The following FMO2 variants were observed in gnomAD, a reference collection of about 807,000 sequenced individuals.
FMO2 encodes the protein flavin containing dimethylaniline monoxygenase 2, also known as flavin-containing monooxygenase 2.
In FMO2, 33 loss-of-function variants were observed where a neutral mutation model predicts 41.6. The observed-to-expected ratio is 0.79, with a 90% confidence interval of 0.60 to 1.06. FMO2 has a LOEUF of 1.06. FMO2 is among the 50% of genes least tolerant of loss of function. The probability of loss-of-function intolerance (pLI) is 0.00; values close to 1 mark genes in which losing one functional copy is unlikely to be tolerated. For missense variants in FMO2, 619 were observed against 632.9 expected (o/e 0.98, Z 0.23); for synonymous variants, 214 against 219.6 (o/e 0.97, Z 0.23).
Position 171,196,650 on chromosome 1 carries a change from C to T in FMO2, c.323C>T (p.Thr108Ile). ...ATGCCTTCTCTGTGTTTCTTCAAGA[C>T]AACTGTCCTTAGTGTGAGAAAATGT... Reference protein sequence around the residue: ...FDLLKYIQFQTTVLSVRKCPD... With the variant: ...FDLLKYIQFQITVLSVRKCPD... Residue 108 changes from threonine (T) to isoleucine (I), a missense_variant and splice_region_variant, in exon 4 of 9, where the codon ACA becomes ATA. Transcript: ENST00000209929. 2 of 1,609,602 alleles carry T rather than the reference C, an allele frequency of 1.2e-6. No individual in the cohort carries two copies. Among genetic ancestry groups the T allele is most frequent in the Non-Finnish European group, 8.5e-7 (1 of 1,179,418 alleles).
intron 7 of FMO2, chr1:171,207,446 C>T: frequency 3.0e-6 from 1 of 333,120 alleles, no homozygotes; most frequent in Non-Finnish European, 5.4e-6. Context: ...GCCCAAACCA[C>T]TAGTCATGGC....
intron 3 of FMO2, among the ~76,000 whole-genome samples, 194 bp downstream of exon 3, chr1:171,193,717 G>A (rs1284120403): frequency 6.6e-6 from 1 of 151,646 alleles, no homozygotes; most frequent in Non-Finnish European, 1.5e-5. Flanking sequence ...TACATTAATT[G>A]AAGAGGAAAA....
intron 2 of FMO2, among the ~76,000 whole-genome samples, chr1:171,189,654 C>CTTTTTTTTTTTTTTTTTTTTTTTTTTTTT (rs199536748): frequency 8.1e-6 from 1 of 122,800 alleles, no homozygotes. Context: ...CGTCTTTTTT[C>CTTTTTTTTTTTTTTTTTTTTTTTTTTTTT]TTTTCTTTTT....
chr1:171,203,912 T>C lies in FMO2; in HGVS notation c.675T>C (p.Ser225=). 1 of 1,613,678 alleles carries C rather than the reference T, an allele frequency of 6.2e-7. No homozygotes were observed. The highest frequency in any genetic ancestry group is 1.1e-5 in the South Asian group (1 of 91,082). Residue 225 remains serine, a synonymous_variant, in exon 6 of 9, where the codon TCT becomes TCC. Coordinates refer to ENST00000209929, the MANE Select transcript of FMO2 (RefSeq NM_001460.5). ...GCACCTGGGTCATGAGCCGTATCTC[T>C]GAAGATGGCTATCCTTGGGACTCAG... ...RHGTWVMSRI[S]EDGYPWDSVF... is the part of the protein sequence containing the mutation.
intron 2 of FMO2, 41 bp from the exon 3 acceptor site, chr1:171,193,294 G>T (rs1228716501): frequency 1.3e-6 from 2 of 1,494,862 alleles, no homozygotes; most frequent in African/African-American, 2.8e-5. Flanking sequence ...AAAAATTTTT[G>T]AATGCGTAAT....
At chr1:171,207,356 A>C (rs969506104) in intron 7 of FMO2, among the ~76,000 whole-genome samples, 1 of 152,152 alleles carries the variant, frequency 6.6e-6, no homozygotes, top group Non-Finnish European at 1.5e-5. Context: ...CTTTCCAAAA[A>C]ATAAATCTGA....
rs900474285 is a variant in FMO2, at chr1:171,209,554, G to A, written c.*409G>A. 2 of 153,872 alleles carry A rather than the reference G, an allele frequency of 1.3e-5. No individual in the cohort carries two copies. The highest frequency in any genetic ancestry group is 2.9e-5 in the Non-Finnish European group (2 of 69,318). 9.5% of individuals were successfully genotyped at this position (153,872 alleles called of 1,614,324 possible). On this transcript the variant is annotated 3_prime_UTR_variant, in exon 9 of 9. Transcript: ENST00000209929. ...AAACTCCTGAACAATGTTTCTGATG[G>A]TCTTCTATCCACCCTACTTGGTAAC...
chr1:171,207,652 C>A, intron 7 of FMO2, 66 bp from the exon 8 acceptor site: 2 of 1,086,184 alleles, frequency 1.8e-6, no homozygotes, highest in South Asian at 1.3e-5. Flanking sequence ...TTTTAAGAAT[C>A]AACAACTAGA....
At chr1:171,207,850 C>T in intron 8 of FMO2, 60 bp downstream of exon 8, 1 of 1,129,938 alleles carries the variant, frequency 8.9e-7, no homozygotes, top group Non-Finnish European at 1.3e-6. Context: ...AGTGATCTAA[C>T]TACTTACAAG....
rs1448980485 is a variant in FMO2 at position 171,211,678 on chromosome 1, A to G, written c.*2533A>G. 6.6e-6 allele frequency among the ~76,000 whole-genome samples: 1 copy of G among 152,226 alleles called. No homozygotes were observed. The highest frequency in any genetic ancestry group is 1.5e-5 in the Non-Finnish European group (1 of 68,046). On this transcript the variant is annotated 3_prime_UTR_variant, in exon 9 of 9. Transcript: ENST00000209929. ...TCTGAGGTTGACTCAAAGGTTAAAGAAGGCTCATCAGTCTATCCTTCTGCC... is the reference window on the plus strand; with the variant it reads ...TCTGAGGTTGACTCAAAGGTTAAAGGAGGCTCATCAGTCTATCCTTCTGCC...
At position 171,196,579 on chromosome 1, in the gene FMO2, G is replaced by A. The variant is rs956491334; in HGVS notation, c.322-70G>A. On this transcript the variant is annotated intron_variant, in intron 3 of 8. Transcript: ENST00000209929. ...CAGGCCTCTTGCATGAAGCAGCAAT[G>A]AGAAAGACACACTTGGCCAATGTTA... The A allele has an allele frequency of 1.9e-5, 28 of 1,446,362 alleles. No individual in the cohort carries two copies. The African/African-American group carries it at 3.1e-4, about 16-fold the overall frequency. 89.6% of individuals were successfully genotyped at this position (1,446,362 alleles called of 1,614,324 possible). A position where few individuals can be genotyped will look rare whatever the true frequency, so the allele number is the denominator to read the frequency against.
In FMO2 at chr1:171,210,919, A is replaced by T. The variant is rs1658955263; in HGVS notation, c.*1774A>T. ...CAGGGACGTAGAACAATGGAATGTC[A>T]GTCAGTCTCTGTAGTTAAAACTTTT... On this transcript the variant is annotated 3_prime_UTR_variant, in exon 9 of 9. Coordinates refer to ENST00000209929, the MANE Select transcript of FMO2 (RefSeq NM_001460.5). 6.6e-6 allele frequency: 1 copy of T among 150,418 alleles called. No homozygotes were observed. Among genetic ancestry groups the T allele is most frequent in the Non-Finnish European group, 1.5e-5 (1 of 67,754 alleles). The allele number at this position is 150,418 out of a possible 1,614,324, so 9.3% of individuals were successfully genotyped here.
intron 2 of FMO2, chr1:171,186,234 C>G (rs1367756694): frequency 1.3e-5 from 2 of 154,786 alleles, no homozygotes; most frequent in African/African-American, 4.8e-5. Context: ...ATGCTCTTAT[C>G]ATTACTATTT....
At chr1:171,197,539 G>T (rs1437837310) in intron 4 of FMO2, among the ~76,000 whole-genome samples, 2 of 152,164 alleles carry the variant, frequency 1.3e-5, no homozygotes, top group Non-Finnish European at 2.9e-5. Flanking sequence ...GCTTTTGAAA[G>T]CACAAATTGC....
chr1:171,196,063 T>G (rs1401153127), intron 3 of FMO2, among the ~76,000 whole-genome samples: 1 of 152,226 alleles, frequency 6.6e-6, no homozygotes, highest in East Asian at 1.9e-4. Flanking sequence ...TTGTTCAGAT[T>G]ATCAAATAAC....
chr1:171,205,459 C>T lies in FMO2; in HGVS notation c.1008C>T (p.Pro336=), dbSNP rs201156178. Reference sequence around the variant, plus strand: ...CAACAGGATATAGTTTCTCTTTTCCCTTCCTTGAAGATTCACTCGTTAAAG... The same window carrying T: ...CAACAGGATATAGTTTCTCTTTTCCTTTCCTTGAAGATTCACTCGTTAAAG... ...IFATGYSFSF[P]FLEDSLVKVE... The change falls in exon 7 of 9, where the codon CCC becomes CCT. Residue 336 remains proline, a synonymous_variant. Transcript: ENST00000209929. 3 of 1,613,814 alleles carry T rather than the reference C, an allele frequency of 1.9e-6. No homozygotes were observed. The highest frequency in any genetic ancestry group is 2.2e-5 in the East Asian group (1 of 44,850).
At chr1:171,203,323 T>TCACACACACA (rs10628039) in intron 5 of FMO2, among the ~76,000 whole-genome samples, 2,300 of 144,028 alleles carry the variant, frequency 0.016, 29 homozygotes, top group Middle Eastern at 0.042. Flanking sequence ...AGACCCTGTC[T>TCACACACACA]CACACACACA....
chr1:171,200,789 G>T (rs546092968), intron 5 of FMO2, among the ~76,000 whole-genome samples: 2 of 152,294 alleles, frequency 1.3e-5, no homozygotes, highest in Admixed American at 1.3e-4. Flanking sequence ...GAGGAGGCAG[G>T]AACTGTGACA....
intron 3 of FMO2, among the ~76,000 whole-genome samples, chr1:171,194,801 G>A (rs1658234513): frequency 8.0e-6 from 1 of 125,292 alleles, no homozygotes; most frequent in Non-Finnish European, 1.6e-5. Context: ...CTGTTAGTGA[G>A]GCTTATTTTT....
Sources: gnomAD v4.1 joint callset for allele counts (sites outside exome capture counted in the v4.1 genomes callset) on GRCh38, gnomAD v4.1.1 for gene constraint, MANE v1.5 for transcripts, NCBI Gene and HGNC (gene_info 2026-07-23, HGNC 2026-07-21) for gene names.